R3HDM1: variants seen among roughly 807,000 people sequenced by gnomAD.
R3HDM1 encodes R3H domain containing 1.
R3HDM1 carries 46 observed loss-of-function variants against 141.1 expected under a neutral mutation model. The ratio of observed to expected loss-of-function variants is 0.33; its 90% CI spans 0.26 to 0.42. The LOEUF (loss-of-function observed/expected upper bound fraction) is 0.42, where lower values mean the gene tolerates loss of function less well. Among genes scored for constraint, R3HDM1 ranks in the 10% least tolerant of loss-of-function variants. The probability of loss-of-function intolerance (pLI) is 1.00; values close to 1 mark genes in which losing one functional copy is unlikely to be tolerated. For missense variants in R3HDM1, 1,184 were observed against 1,368.3 expected, an observed-to-expected ratio of 0.87 and a Z score of 2.12; for synonymous variants, 435 against 472.9, an observed-to-expected ratio of 0.92 and a Z score of 1.04.
chr2:135,615,411 G>A (rs1323685946), intron 3 of R3HDM1, among the ~76,000 whole-genome samples: 2 of 152,106 alleles, frequency 1.3e-5, no homozygotes, highest in Non-Finnish European at 2.9e-5. Context: ...TGGAAGAAAG[G>A]AGTGTTTAAA....
chr2:135,531,491 C>T lies in R3HDM1; in HGVS notation c.-392C>T, dbSNP rs1694662937. 7.1e-6 allele frequency: 7 copies of T among 985,816 alleles called. No individual in the cohort carries two copies. Among genetic ancestry groups the T allele is most frequent in the Non-Finnish European group, 8.4e-6 (7 of 830,026 alleles). 61.1% of individuals were successfully genotyped at this position (985,816 alleles called of 1,614,324 possible). A position where few individuals can be genotyped will look rare whatever the true frequency, so the allele number is the denominator to read the frequency against. ...GTGGTGGGAAGGGGCGGGATTCTGC[C>T]AGCCGCGGCTGCCGCTGGAGCCGGT... On this transcript the variant is annotated 5_prime_UTR_variant, in exon 1 of 27. Transcript: ENST00000683871.
At position 135,651,753 on chromosome 2, in the gene R3HDM1, T is replaced by G. The variant is rs938692424; in HGVS notation, c.1749T>G (p.Phe583Leu). The change falls in exon 18 of 27, where the codon TTT (phenylalanine) becomes TTG (leucine). Residue 583 changes from phenylalanine (F) to leucine (L), a missense_variant. Physicochemically the swap from Phe to Leu is conservative, Grantham distance 22. Transcript: ENST00000683871. Reference protein sequence around the residue: ...YSVQDNLGSQFSHMSLARQPS... With the variant: ...YSVQDNLGSQLSHMSLARQPS... ...AGCAGGATAACCTAGGGTCTCAGTT[T>G]AGCCACATGAGTCTTGCTCGCCAGC... is the stretch of plus-strand genomic sequence containing the variant. The G allele has an allele frequency of 6.2e-7, 1 of 1,612,854 alleles. No individual in the cohort carries two copies. The highest frequency in any genetic ancestry group is 1.3e-5 in the African/African-American group (1 of 74,926).
Position 135,652,016 on chromosome 2 carries a change from A to T in R3HDM1, c.2012A>T (p.Gln671Leu), listed in dbSNP as rs2065201403. The change falls in exon 18 of 27, where the codon CAG becomes CTG. Residue 671 changes from glutamine to leucine, a missense_variant. Transcript: ENST00000683871. ...QPVLQQQGYI[Q>L]QPSPQMPACY... ...GTGCTCCAGCAGCAGGGATATATTC[A>T]GCAGCCATCACCACAGGTATATTGC... The T allele has an allele frequency of 6.3e-7, 1 of 1,596,436 alleles. No homozygotes were observed. Among genetic ancestry groups the T allele is most frequent in the Non-Finnish European group, 8.5e-7 (1 of 1,170,176 alleles).
At position 135,613,257 on chromosome 2, in the gene R3HDM1, G is replaced by T. The variant is rs190004451; in HGVS notation, c.172-2895G>T. Among the ~76,000 whole-genome samples the T allele has an allele frequency of 5.9e-5, 9 of 152,248 alleles. No homozygotes were observed. In the East Asian group the frequency reaches 1.7e-3, roughly 29 times the overall value. Reference sequence around the variant, plus strand: ...CAAACCTTAGTTTGTTGAAGCTGTAGGTCTGAGGTCCTGTTTTTTGGCTGG... The same window carrying T: ...CAAACCTTAGTTTGTTGAAGCTGTATGTCTGAGGTCCTGTTTTTTGGCTGG... On this transcript the variant is annotated intron_variant, in intron 3 of 26. Coordinates refer to ENST00000683871, the MANE Select transcript of R3HDM1 (RefSeq NM_001378107.1).
At position 135,695,062 on chromosome 2, in the gene R3HDM1, C is replaced by G. The variant is rs185972594; in HGVS notation, c.2460-14371C>G. Among the ~76,000 whole-genome samples the G allele has an allele frequency of 3.7e-3, 566 of 152,254 alleles. 1 individual carries two copies. Among genetic ancestry groups the G allele is most frequent in the Middle Eastern group, 0.014 (4 of 294 alleles). ...TCTAAGCTTCCTGTTGCCCGCCCCC[C>G]AAAAGCATTTAAAAACAAAAGGCTG... is the stretch of plus-strand genomic sequence containing the variant. On this transcript the variant is annotated intron_variant, in intron 21 of 26. Transcript: ENST00000683871.
At chr2:135,586,052 T>C (rs1380650748) in intron 1 of R3HDM1, among the ~76,000 whole-genome samples, 2 of 152,240 alleles carry the variant, frequency 1.3e-5, no homozygotes, top group African/African-American at 4.8e-5. Flanking sequence ...TATTTATGGC[T>C]TGTTCTTTAA....
At chr2:135,588,461 A>C (rs1009047756) in intron 1 of R3HDM1, among the ~76,000 whole-genome samples, 5 of 152,168 alleles carry the variant, frequency 3.3e-5, no homozygotes, top group South Asian at 2.1e-4. Context: ...TTTCATTCTC[A>C]TACAGGTTTT....
intron 8 of R3HDM1, 36 bp downstream of exon 8, chr2:135,631,813 A>G: frequency 1.9e-6 from 3 of 1,574,464 alleles, no homozygotes; most frequent in Non-Finnish European, 2.6e-6. Flanking sequence ...AGAAATTGTC[A>G]TCACCATTCT....
chr2:135,724,001 G>A lies in R3HDM1; in HGVS notation c.3114G>A (p.Lys1038=). The change falls in exon 27 of 27, where the codon AAG becomes AAA. Residue 1038 remains lysine (K), a synonymous_variant. Coordinates refer to ENST00000683871, the MANE Select transcript of R3HDM1 (RefSeq NM_001378107.1). ...PDGITRMEAE[K]LFGELFKIGA... is the part of the protein sequence containing the mutation. The stretch of plus-strand genomic sequence containing the variant: ...GAATAACTCGCATGGAAGCTGAAAA[G>A]CTTTTTGGGGAACTCTTTAAAATTG... 1 of 1,614,026 alleles carries A rather than the reference G, an allele frequency of 6.2e-7. No individual in the cohort carries two copies. The highest frequency in any genetic ancestry group is 8.5e-7 in the Non-Finnish European group (1 of 1,180,032).
chr2:135,714,698 CAT>C (rs1375975360), intron 23 of R3HDM1, among the ~76,000 whole-genome samples: 1 of 151,640 alleles, frequency 6.6e-6, no homozygotes, highest in Admixed American at 6.6e-5. Flanking sequence ...AAAGGAATAT[CAT>C]GTGAAATTCA....
intron 21 of R3HDM1, among the ~76,000 whole-genome samples, chr2:135,687,548 C>A (rs193098544): frequency 2.6e-5 from 4 of 150,994 alleles, no homozygotes; most frequent in Admixed American, 2.0e-4. Flanking sequence ...TGAGTGAATA[C>A]TTCTCCAAAA....
intron 20 of R3HDM1, among the ~76,000 whole-genome samples, chr2:135,677,877 C>A (rs1178197098): frequency 6.6e-6 from 1 of 151,812 alleles, no homozygotes; most frequent in African/African-American, 2.4e-5. Context: ...CTGACTTTCC[C>A]TCCAGTGTAT....
At chr2:135,547,959 A>T (rs1699086516) in intron 1 of R3HDM1, among the ~76,000 whole-genome samples, 1 of 151,542 alleles carries the variant, frequency 6.6e-6, no homozygotes, top group Non-Finnish European at 1.5e-5. Flanking sequence ...TTTTTAGTAG[A>T]GACAGGGTTT....
chr2:135,583,634 T>A, intron 1 of R3HDM1: 1 of 673,910 alleles, frequency 1.5e-6, no homozygotes, highest in Non-Finnish European at 1.8e-6. Context: ...GTGTTAAATT[T>A]CTTTTAAAAA....
chr2:135,559,446 T>G (rs1387753206), intron 1 of R3HDM1, among the ~76,000 whole-genome samples: 1 of 152,152 alleles, frequency 6.6e-6, no homozygotes, highest in Non-Finnish European at 1.5e-5. Context: ...TTGCATTCCT[T>G]GCTAGATTGT....
At chr2:135,632,105 A>G (rs1322963581) in intron 9 of R3HDM1, 104 bp downstream of exon 9, 1 of 1,026,646 alleles carries the variant, frequency 9.7e-7, no homozygotes, top group African/African-American at 1.7e-5. Context: ...TTAACAGTCT[A>G]ATTAAGTTTT....
intron 1 of R3HDM1, among the ~76,000 whole-genome samples, chr2:135,563,136 C>T (rs910764783): frequency 3.3e-5 from 5 of 152,138 alleles, no homozygotes; most frequent in African/African-American, 1.2e-4. Context: ...TTACCCCTTG[C>T]AACTAACAAG....
At chr2:135,683,159 T>C (rs1462998820) in intron 21 of R3HDM1, among the ~76,000 whole-genome samples, 5 of 152,162 alleles carry the variant, frequency 3.3e-5, no homozygotes, top group African/African-American at 1.2e-4. Context: ...ATGTGAGAAA[T>C]TGAATGAGTT....
At chr2:135,649,646 TAAAG>T (rs1165332806) in intron 16 of R3HDM1, among the ~76,000 whole-genome samples, 1 of 152,190 alleles carries the variant, frequency 6.6e-6, no homozygotes, top group East Asian at 1.9e-4. Flanking sequence ...TAATCTATAA[TAAAG>T]AAATATTTTA....
Sources: gnomAD v4.1 joint callset for allele counts (sites outside exome capture counted in the v4.1 genomes callset) on GRCh38, gnomAD v4.1.1 for gene constraint, MANE v1.5 for transcripts, NCBI Gene and HGNC (gene_info 2026-07-23, HGNC 2026-07-21) for gene names.